PIK3C2G: variants seen among roughly 807,000 people sequenced by gnomAD.
PIK3C2G encodes phosphatidylinositol-4-phosphate 3-kinase catalytic subunit type 2 gamma, also known as phosphatidylinositol 3-kinase C2 domain-containing subunit gamma.
PIK3C2G carries 168 observed loss-of-function variants against 181.1 expected under a neutral mutation model. That is an observed-to-expected ratio of 0.93 (90% CI 0.82 to 1.05). The LOEUF is 1.05. Ranked by LOEUF, PIK3C2G falls within the 50% of genes least tolerant of loss-of-function variation. The pLI is 0.00. For missense variants in PIK3C2G, 1,869 were observed against 1,732.8 expected, an observed-to-expected ratio of 1.08 and a Z score of -1.40; for synonymous variants, 573 against 592.2, an observed-to-expected ratio of 0.97 and a Z score of 0.47.
At chr12:18,348,944 T>A (rs1939948967) in intron 11 of PIK3C2G, among the ~76,000 whole-genome samples, 1 of 151,956 alleles carries the variant, frequency 6.6e-6, no homozygotes, top group Non-Finnish European at 1.5e-5. Context: ...ACTTCTAAGG[T>A]GATATTGATG....
intron 15 of PIK3C2G, among the ~76,000 whole-genome samples, chr12:18,397,800 T>C (rs1943986002): frequency 6.6e-6 from 1 of 152,058 alleles, no homozygotes; most frequent in South Asian, 2.1e-4. Context: ...AATACATTCA[T>C]ATAAAAACTT....
chr12:18,338,767 A>G (rs1938826685), intron 9 of PIK3C2G, among the ~76,000 whole-genome samples: 1 of 150,860 alleles, frequency 6.6e-6, no homozygotes, highest in South Asian at 2.1e-4. Flanking sequence ...TGAGTCTATT[A>G]TGCCAAATAG....
At chr12:18,692,681 C>A in the PIK3C2G span, 3 of 687,338 alleles carry the variant, frequency 4.4e-6, no homozygotes, top group Non-Finnish European at 7.4e-6. Context: ...ACATTGAAAT[C>A]AGTAAAGAAC....
chr12:18,616,861 A>G (rs556265714), intron 31 of PIK3C2G, among the ~76,000 whole-genome samples: 36 of 152,308 alleles, frequency 2.4e-4, no homozygotes, highest in Admixed American at 7.2e-4. Context: ...TTAGAACTAT[A>G]TTTTGAATAT....
intron 2 of PIK3C2G, among the ~76,000 whole-genome samples, chr12:18,285,070 A>G (rs1277745056): frequency 6.6e-6 from 1 of 152,114 alleles, no homozygotes; most frequent in Non-Finnish European, 1.5e-5. Context: ...ACATATAGAC[A>G]TTTTATACTC....
chr12:18,387,338 C>T (rs1490074042), intron 14 of PIK3C2G, among the ~76,000 whole-genome samples: 15 of 152,156 alleles, frequency 9.9e-5, no homozygotes, highest in Admixed American at 9.8e-4. Flanking sequence ...TTCAATAACT[C>T]AGCACTACCC....
chr12:18,573,140 C>G (rs575293436), intron 29 of PIK3C2G, among the ~76,000 whole-genome samples: 1 of 152,054 alleles, frequency 6.6e-6, no homozygotes, highest in Admixed American at 6.6e-5. Context: ...TTTATTGTGG[C>G]CAGATATTAT....
intron 3 of PIK3C2G, among the ~76,000 whole-genome samples, chr12:18,287,569 C>T (rs1196567180): frequency 6.6e-6 from 1 of 152,138 alleles, no homozygotes; most frequent in East Asian, 1.9e-4. Context: ...AAAACTAATG[C>T]ATTCAGTTGG....
the PIK3C2G span, chr12:18,694,154 G>T: frequency 8.0e-6 from 6 of 750,270 alleles, no homozygotes; most frequent in Admixed American, 5.1e-5. Context: ...TCCCTGAAAG[G>T]GATGAGGCTG....
At chr12:18,335,046 C>T (rs146413921) in intron 8 of PIK3C2G, among the ~76,000 whole-genome samples, 9 of 152,154 alleles carry the variant, frequency 5.9e-5, no homozygotes, top group Middle Eastern at 3.4e-3. Context: ...AGAGCACAGA[C>T]GAGGGTTCAG....
intron 18 of PIK3C2G, among the ~76,000 whole-genome samples, chr12:18,460,215 C>G (rs1252220987): frequency 1.3e-5 from 2 of 152,156 alleles, no homozygotes; most frequent in African/African-American, 4.8e-5. Flanking sequence ...TTCTAAACCT[C>G]TCTGAGACTC....
intron 24 of PIK3C2G, among the ~76,000 whole-genome samples, chr12:18,507,296 G>A (rs1046154524): frequency 4.6e-5 from 7 of 151,954 alleles, no homozygotes; most frequent in Non-Finnish European, 7.4e-5. Flanking sequence ...CCCAAAGTGC[G>A]GGGATTAGAG....
At chr12:18,414,314 T>C (rs1945045095) in intron 16 of PIK3C2G, among the ~76,000 whole-genome samples, 1 of 152,166 alleles carries the variant, frequency 6.6e-6, no homozygotes, top group Admixed American at 6.5e-5. Context: ...AAAACTTTCG[T>C]ATAGAAAATT....
intron 30 of PIK3C2G, chr12:18,607,178 A>T (rs753224906): frequency 1.9e-6 from 1 of 516,802 alleles, no homozygotes; most frequent in Non-Finnish European, 3.9e-6. Flanking sequence ...GCTTTGAAGA[A>T]AGGTAGAAGT....
the PIK3C2G span, among the ~76,000 whole-genome samples, chr12:18,657,249 C>T: frequency 6.6e-6 from 1 of 152,018 alleles, no homozygotes; most frequent in Admixed American, 6.6e-5. Context: ...AACCTGGGGG[C>T]GAAAGACTGG....
intron 25 of PIK3C2G, among the ~76,000 whole-genome samples, chr12:18,538,916 G>A (rs1323508522): frequency 6.6e-6 from 1 of 151,924 alleles, no homozygotes; most frequent in Admixed American, 6.6e-5. Flanking sequence ...AAGAGATGGA[G>A]ACCAGATATG....
intron 1 of PIK3C2G, among the ~76,000 whole-genome samples, chr12:18,256,325 T>C (rs1948145521): frequency 6.6e-6 from 1 of 152,038 alleles, no homozygotes; most frequent in African/African-American, 2.4e-5. Context: ...CAAATTATCA[T>C]ACCCAAAGAC....
At chr12:18,303,100 C>CTCTTCCT (rs1555153496) in intron 5 of PIK3C2G, among the ~76,000 whole-genome samples, 1,465 of 75,052 alleles carry the variant, frequency 0.02, 17 homozygotes, top group Non-Finnish European at 0.03. Context: ...TCTTTTCTTT[C>CTCTTCCT]TCTTTCTTTC....
chr12:18,683,419 T>A, the PIK3C2G span: 1 of 1,464,194 alleles, frequency 6.8e-7, no homozygotes, highest in Non-Finnish European at 9.5e-7. Context: ...TTACTAAGCC[T>A]ACATTAAAAA....
Sources: allele counts gnomAD v4.1 joint callset (sites outside exome capture counted in the v4.1 genomes callset), GRCh38; gene constraint gnomAD v4.1.1; transcripts MANE v1.5; gene names NCBI Gene and HGNC (gene_info 2026-07-23, HGNC 2026-07-21).